Variants in PPP4R2 observed in about 807,000 individuals in gnomAD.
The protein encoded by PPP4R2 is serine/threonine-protein phosphatase 4 regulatory subunit 2.
A neutral mutation model predicts 47.2 loss-of-function variants in PPP4R2; 13 were observed. The ratio of observed to expected loss-of-function variants is 0.28; its 90% CI spans 0.18 to 0.44. PPP4R2 has a LOEUF of 0.44. PPP4R2 is among the 20% of genes least tolerant of loss of function. The pLI, the probability that PPP4R2 is intolerant of heterozygous loss-of-function variation, is 1.00. For missense variants in PPP4R2, 421 were observed against 491.2 expected (o/e 0.86, Z 1.35); for synonymous variants, 151 against 163.3 (o/e 0.92, Z 0.57).
At chr3:73,021,346 G>A (rs6784759) in intron 2 of PPP4R2, among the ~76,000 whole-genome samples, 88,421 of 151,178 alleles carry the variant, frequency 0.58, 27,408 homozygotes, top group African/African-American at 0.81. Context: ...TGATCCTCCC[G>A]CCTCAGCCTC....
At chr3:73,015,551 C>T (rs959285483) in intron 2 of PPP4R2, among the ~76,000 whole-genome samples, 34 of 151,078 alleles carry the variant, frequency 2.3e-4, no homozygotes, top group African/African-American at 7.3e-4. Flanking sequence ...TCTCGGCTCA[C>T]TGCAACCTCT....
chr3:73,058,519 AAAG>A (rs1034229808), intron 3 of PPP4R2, among the ~76,000 whole-genome samples: 1 of 151,838 alleles, frequency 6.6e-6, no homozygotes, highest in African/African-American at 2.4e-5. Context: ...TTTTTTTAAA[AAAG>A]AATTTCTGTT....
intron 2 of PPP4R2, among the ~76,000 whole-genome samples, chr3:73,004,930 T>TGTGTG (rs1347024640): frequency 5.0e-5 from 7 of 141,100 alleles, no homozygotes; most frequent in East Asian, 4.1e-4. Flanking sequence ...TGTTTGTGTG[T>TGTGTG]TTTGAGTCGG....
At chr3:73,062,060 AG>A in intron 5 of PPP4R2, 6 of 1,485,054 alleles carry the variant, frequency 4.0e-6, no homozygotes, top group Non-Finnish European at 5.4e-6. Context: ...AGAAGTGCAG[AG>A]TCAAGTCATA....
chr3:73,004,939 G>A (rs1480275160), intron 2 of PPP4R2, among the ~76,000 whole-genome samples: 2 of 89,578 alleles, frequency 2.2e-5, no homozygotes, highest in Non-Finnish European at 4.3e-5. Flanking sequence ...GTTTTGAGTC[G>A]GAGTCGTGTG....
At chr3:73,056,844 CT>C (rs1295131766) in intron 3 of PPP4R2, among the ~76,000 whole-genome samples, 1 of 152,090 alleles carries the variant, frequency 6.6e-6, no homozygotes, top group Non-Finnish European at 1.5e-5. Context: ...AAATATTCAT[CT>C]GTTAAAACTA....
At chr3:73,038,703 G>A (rs1056248033) in intron 2 of PPP4R2, among the ~76,000 whole-genome samples, 3 of 152,194 alleles carry the variant, frequency 2.0e-5, no homozygotes, top group East Asian at 1.9e-4. Context: ...AGGCTAACCG[G>A]AATATACTGT....
At chr3:73,045,743 T>TCTCG (rs1474538249) in intron 2 of PPP4R2, among the ~76,000 whole-genome samples, 2 of 152,196 alleles carry the variant, frequency 1.3e-5, no homozygotes, top group African/African-American at 4.8e-5. Flanking sequence ...GCCAGGCTGA[T>TCTCG]CTCGAACTCC....
chr3:73,031,565 G>A (rs143338845), intron 2 of PPP4R2, among the ~76,000 whole-genome samples: 3 of 151,988 alleles, frequency 2.0e-5, no homozygotes, highest in Non-Finnish European at 4.4e-5. Context: ...AAAAAAGAAA[G>A]AAATATTTCA....
intron 2 of PPP4R2, among the ~76,000 whole-genome samples, chr3:73,009,973 A>G (rs1701688707): frequency 6.6e-6 from 1 of 152,190 alleles, no homozygotes; most frequent in Non-Finnish European, 1.5e-5. Flanking sequence ...TGTGTGTGGA[A>G]ATCTACATGT....
intron 2 of PPP4R2, among the ~76,000 whole-genome samples, chr3:73,035,282 CCCAG>C (rs965091968): frequency 6.6e-6 from 1 of 152,136 alleles, no homozygotes; most frequent in African/African-American, 2.4e-5. Flanking sequence ...CACCTGTAGT[CCCAG>C]CTACTCGGGA....
chr3:73,022,771 T>TC (rs562161521), intron 2 of PPP4R2, among the ~76,000 whole-genome samples: 2,522 of 148,532 alleles, frequency 0.017, 74 homozygotes, highest in African/African-American at 0.057. Flanking sequence ...CGCATTTCTT[T>TC]TTTTTTTTTT....
intron 2 of PPP4R2, among the ~76,000 whole-genome samples, chr3:73,020,398 A>C (rs1342565425): frequency 6.6e-6 from 1 of 152,080 alleles, no homozygotes; most frequent in African/African-American, 2.4e-5. Context: ...TGGGTGGCTC[A>C]CGCCTGTAAT....
intron 1 of PPP4R2, among the ~76,000 whole-genome samples, chr3:72,997,817 G>T (rs1701381451): frequency 6.6e-6 from 1 of 152,110 alleles, no homozygotes; most frequent in Non-Finnish European, 1.5e-5. Flanking sequence ...TGTTCCCCCG[G>T]ACCACACTTC....
At chr3:73,028,681 G>A (rs1396091137) in intron 2 of PPP4R2, among the ~76,000 whole-genome samples, 8 of 152,020 alleles carry the variant, frequency 5.3e-5, no homozygotes, top group African/African-American at 1.7e-4. Context: ...CTCGTGATCC[G>A]CCCGCCTAGG....
Position 73,065,817 on chromosome 3 carries a change from C to T in PPP4R2, c.*95C>T. On this transcript the variant is annotated 3_prime_UTR_variant, in exon 9 of 9. Transcript: ENST00000356692. The stretch of plus-strand genomic sequence containing the variant: ...GTAATAAAATGGACCTTTAGTTTTA[C>T]AAGAGAAGCAGGTTGTAAAATAAAG... 2.6e-6 allele frequency: 2 copies of T among 783,422 alleles called. No individual in the cohort carries two copies. The highest frequency in any genetic ancestry group is 2.1e-5 in the South Asian group (1 of 47,648). The allele number at this position is 783,422 out of a possible 1,614,324, so 48.5% of individuals were successfully genotyped here.
intron 2 of PPP4R2, among the ~76,000 whole-genome samples, chr3:73,032,187 G>T (rs1431319038): frequency 1.3e-5 from 2 of 152,128 alleles, no homozygotes; most frequent in African/African-American, 4.8e-5. Flanking sequence ...AAAAAAGTCT[G>T]TGTACTTTCT....
chr3:73,027,266 A>G (rs971028650), intron 2 of PPP4R2, among the ~76,000 whole-genome samples: 6 of 152,160 alleles, frequency 3.9e-5, no homozygotes, highest in Admixed American at 6.5e-5. Flanking sequence ...AGCTGGGACT[A>G]CAGGCGTGCG....
At chr3:73,004,562 C>G (rs549661318) in intron 2 of PPP4R2, among the ~76,000 whole-genome samples, 1 of 152,152 alleles carries the variant, frequency 6.6e-6, no homozygotes, top group East Asian at 1.9e-4. Context: ...CTCATCCTTC[C>G]CGGTAGCTGG....
Sources: gnomAD v4.1 joint callset for allele counts (sites outside exome capture counted in the v4.1 genomes callset) on GRCh38, gnomAD v4.1.1 for gene constraint, MANE v1.5 for transcripts, NCBI Gene and HGNC (gene_info 2026-07-23, HGNC 2026-07-21) for gene names.